CTNND2: variants seen among roughly 807,000 people sequenced by gnomAD.
The protein encoded by CTNND2 is catenin delta 2, also known as catenin delta-2.
In CTNND2, 22 loss-of-function variants were observed where a neutral mutation model predicts 144.4. That is an observed-to-expected ratio of 0.15 (90% CI 0.11 to 0.22). The LOEUF (loss-of-function observed/expected upper bound fraction) is 0.22. Ranked by LOEUF, CTNND2 falls within the 10% of genes least tolerant of loss-of-function variation. The pLI is 1.00. For synonymous variants in CTNND2, 751 were observed against 695.6 expected (o/e 1.08, Z -1.25); for missense variants, 1,353 against 1,618.8 (o/e 0.84, Z 2.82).
At chr5:11,363,499 C>T (rs1756664410) in intron 8 of CTNND2, among the ~76,000 whole-genome samples, 1 of 152,072 alleles carries the variant, frequency 6.6e-6, no homozygotes. Flanking sequence ...GTGGATCTAA[C>T]AGGCTGAAGG....
At chr5:11,481,934 G>A (rs1028753399) in intron 3 of CTNND2, among the ~76,000 whole-genome samples, 6 of 152,112 alleles carry the variant, frequency 3.9e-5, no homozygotes, top group Admixed American at 6.5e-5. Context: ...TTTTAATTAC[G>A]CCATTTCTTT....
At chr5:11,467,324 C>T (rs1372888229) in intron 3 of CTNND2, among the ~76,000 whole-genome samples, 1 of 152,210 alleles carries the variant, frequency 6.6e-6, no homozygotes, top group Non-Finnish European at 1.5e-5. Context: ...GGTTTCTGCT[C>T]GTCCTGGTTG....
chr5:11,258,208 T>C (rs1744477095), intron 9 of CTNND2, among the ~76,000 whole-genome samples: 1 of 152,090 alleles, frequency 6.6e-6, no homozygotes. Flanking sequence ...GGAACCAACA[T>C]ATGCTGCATC....
intron 9 of CTNND2, among the ~76,000 whole-genome samples, chr5:11,250,262 T>C (rs1250989442): frequency 6.6e-6 from 1 of 152,056 alleles, no homozygotes; most frequent in Non-Finnish European, 1.5e-5. Context: ...CATAAGCAAG[T>C]TTTGTTTTCA....
At chr5:11,216,752 C>A (rs1739241024) in intron 10 of CTNND2, among the ~76,000 whole-genome samples, 2 of 152,222 alleles carry the variant, frequency 1.3e-5, no homozygotes, top group Non-Finnish European at 2.9e-5. Context: ...AAGTTATGTG[C>A]TCATGAGGAG....
At chr5:11,217,809 T>C (rs1739352932) in intron 10 of CTNND2, among the ~76,000 whole-genome samples, 1 of 152,192 alleles carries the variant, frequency 6.6e-6, no homozygotes, top group South Asian at 2.1e-4. Context: ...AAGCTTAAGG[T>C]TGTCTTTCTG....
intron 9 of CTNND2, among the ~76,000 whole-genome samples, chr5:11,312,454 A>G (rs142116560): frequency 0.011 from 1,721 of 152,160 alleles, 14 homozygotes; most frequent in South Asian, 0.03. Flanking sequence ...GAGAAAATGA[A>G]GAAGCAAAAG....
Position 11,278,125 on chromosome 5 carries a change from C to T in CTNND2, c.1629-41302G>A, listed in dbSNP as rs546754182. On this transcript the variant is annotated intron_variant, in intron 9 of 21. Coordinates refer to ENST00000304623, the MANE Select transcript of CTNND2 (RefSeq NM_001332.4). The stretch of plus-strand genomic sequence containing the variant: ...TTAATTTCTTATAAACTCTGTTCTC[C>T]TCGTCCCTCCCCACCAGCTATCTCC... 6.6e-5 allele frequency among the ~76,000 whole-genome samples: 10 copies of T among 152,254 alleles called. No homozygotes were observed. The East Asian group carries it at 1.7e-3, about 26-fold the overall frequency.
chr5:11,736,481 T>C (rs1787688746), intron 1 of CTNND2, among the ~76,000 whole-genome samples: 1 of 152,196 alleles, frequency 6.6e-6, no homozygotes, highest in Admixed American at 6.5e-5. Context: ...TTAATCCAAA[T>C]TTAATGTAAC....
At chr5:11,018,317 C>A (rs1163548006) in intron 17 of CTNND2, among the ~76,000 whole-genome samples, 2 of 152,102 alleles carry the variant, frequency 1.3e-5, no homozygotes, top group African/African-American at 2.4e-5. Context: ...TCTCCTCAGG[C>A]CTCCCTCTTC....
intron 2 of CTNND2, among the ~76,000 whole-genome samples, chr5:11,672,940 T>C (rs1214116547): frequency 6.6e-6 from 1 of 152,110 alleles, no homozygotes; most frequent in African/African-American, 2.4e-5. Context: ...CTGCACCCTG[T>C]CCAACCAGTC....
intron 9 of CTNND2, among the ~76,000 whole-genome samples, chr5:11,250,510 T>A: frequency 1.2e-5 from 1 of 80,382 alleles, no homozygotes; most frequent in Non-Finnish European, 2.1e-5. Context: ...TATATATATA[T>A]ATACATATAT....
rs181351278 is a variant in CTNND2, at chr5:11,636,231, T to C, written c.175-71175A>G. Among the ~76,000 whole-genome samples the C allele has an allele frequency of 1.8e-4, 27 of 152,304 alleles. 1 individual carries two copies. In the East Asian group the frequency reaches 4.4e-3, roughly 25 times the overall value. ...ACTTAAGCTGTTTCTCAGTTGGCTA[T>C]AGGATATAGCTATAACTATTGCCAA... On this transcript the variant is annotated intron_variant, in intron 2 of 21. Coordinates refer to ENST00000304623, the MANE Select transcript of CTNND2 (RefSeq NM_001332.4).
chr5:11,278,790 T>A (rs1006295509), intron 9 of CTNND2, among the ~76,000 whole-genome samples: 3 of 152,144 alleles, frequency 2.0e-5, no homozygotes, highest in Non-Finnish European at 4.4e-5. Context: ...CATCCCCAAA[T>A]CAGCCACTCC....
chr5:11,417,232 A>G (rs1762003513), intron 3 of CTNND2, among the ~76,000 whole-genome samples: 2 of 152,208 alleles, frequency 1.3e-5, no homozygotes, highest in African/African-American at 4.8e-5. Flanking sequence ...GCCAGTTAGT[A>G]GAGAAGCCAG....
chr5:11,608,417 C>T (rs538901148), intron 2 of CTNND2, among the ~76,000 whole-genome samples: 3 of 152,222 alleles, frequency 2.0e-5, no homozygotes, highest in East Asian at 3.9e-4. Context: ...TCTGGCATTT[C>T]TCCCATTATT....
intron 12 of CTNND2, among the ~76,000 whole-genome samples, chr5:11,120,210 C>A (rs1467577353): frequency 6.6e-6 from 1 of 152,178 alleles, no homozygotes; most frequent in Non-Finnish European, 1.5e-5. Flanking sequence ...TACGCCTACA[C>A]CCACACAGCA....
chr5:11,461,496 T>C (rs1766217732), intron 3 of CTNND2, among the ~76,000 whole-genome samples: 1 of 152,198 alleles, frequency 6.6e-6, no homozygotes, highest in Non-Finnish European at 1.5e-5. Context: ...CTCAAACTAG[T>C]AGAGTTTCAT....
At chr5:11,400,222 A>T (rs1405061598) in intron 5 of CTNND2, among the ~76,000 whole-genome samples, 1 of 152,096 alleles carries the variant, frequency 6.6e-6, no homozygotes, top group East Asian at 1.9e-4. Flanking sequence ...GACCTGAAGG[A>T]TGTGGGTGAT....
Sources: gnomAD v4.1 joint callset for allele counts (sites outside exome capture counted in the v4.1 genomes callset) on GRCh38, gnomAD v4.1.1 for gene constraint, MANE v1.5 for transcripts, NCBI Gene and HGNC (gene_info 2026-07-23, HGNC 2026-07-21) for gene names.